Variants in ERC2 observed in about 807,000 individuals in gnomAD.
ERC2 encodes ELKS/RAB6-interacting/CAST family member 2.
A neutral mutation model predicts 114.8 loss-of-function variants in ERC2; 42 were observed. The observed-to-expected ratio is 0.37, with a 90% CI of 0.29 to 0.47. The LOEUF is 0.47. Among genes scored for constraint, ERC2 ranks in the 20% least tolerant of loss-of-function variants. The pLI is 0.99. For synonymous variants in ERC2, 454 were observed against 425.5 expected (o/e 1.07, Z -0.82); for missense variants, 939 against 1,150.7 (o/e 0.82, Z 2.66).
chr3:56,193,178 T>C (rs896017135), intron 3 of ERC2, among the ~76,000 whole-genome samples: 20 of 152,356 alleles, frequency 1.3e-4, no homozygotes, highest in African/African-American at 4.8e-4. Context: ...GTGTACTCCT[T>C]GTTTTAATAA....
At chr3:55,807,685 G>A (rs943944646) in intron 14 of ERC2, among the ~76,000 whole-genome samples, 2 of 152,186 alleles carry the variant, frequency 1.3e-5, no homozygotes, top group African/African-American at 4.8e-5. Context: ...TAAGATGGAA[G>A]GAACCTGGAT....
intron 17 of ERC2, among the ~76,000 whole-genome samples, chr3:55,639,822 T>G (rs1472513395): frequency 6.6e-6 from 1 of 152,204 alleles, no homozygotes; most frequent in Non-Finnish European, 1.5e-5. Context: ...TTAATTTTCA[T>G]TTCTAATAAA....
intron 17 of ERC2, among the ~76,000 whole-genome samples, chr3:55,560,764 A>G (rs2055959857): frequency 6.6e-6 from 1 of 152,238 alleles, no homozygotes; most frequent in African/African-American, 2.4e-5. Context: ...ACAAGAGGTA[A>G]CTGGATACAT....
At chr3:55,668,681 G>A (rs2061445665) in intron 17 of ERC2, among the ~76,000 whole-genome samples, 1 of 152,168 alleles carries the variant, frequency 6.6e-6, no homozygotes, top group Non-Finnish European at 1.5e-5. Context: ...AGCTCTCAAT[G>A]CCAGCCTGTT....
At chr3:55,972,269 T>C (rs1051155334) in intron 12 of ERC2, among the ~76,000 whole-genome samples, 1 of 152,248 alleles carries the variant, frequency 6.6e-6, no homozygotes, top group African/African-American at 2.4e-5. Flanking sequence ...GTGATTTTCT[T>C]AAAATTTTAC....
chr3:55,740,253 A>G (rs868439690), intron 14 of ERC2, among the ~76,000 whole-genome samples: 1 of 152,150 alleles, frequency 6.6e-6, no homozygotes, highest in Non-Finnish European at 1.5e-5. Context: ...AATCTTTTTA[A>G]TAAAATTACA....
intron 13 of ERC2, among the ~76,000 whole-genome samples, chr3:55,937,128 A>G (rs1008284170): frequency 1.3e-5 from 2 of 152,146 alleles, no homozygotes; most frequent in Non-Finnish European, 2.9e-5. Flanking sequence ...ATCACTTGAC[A>G]TCAGGAGTTT....
intron 6 of ERC2, among the ~76,000 whole-genome samples, chr3:56,096,738 C>T (rs771589416): frequency 6.6e-6 from 1 of 152,098 alleles, no homozygotes; most frequent in Non-Finnish European, 1.5e-5. Context: ...TGCTATTCTG[C>T]ATCCAGTCTA....
chr3:56,084,891 C>A (rs2077425598), intron 6 of ERC2, among the ~76,000 whole-genome samples: 1 of 148,430 alleles, frequency 6.7e-6, no homozygotes, highest in Non-Finnish European at 1.5e-5. Context: ...AAGAAAAGTT[C>A]AGGGCAGCAG....
At chr3:56,339,631 C>T (rs2058008060) in intron 2 of ERC2, among the ~76,000 whole-genome samples, 1 of 152,078 alleles carries the variant, frequency 6.6e-6, no homozygotes, top group Non-Finnish European at 1.5e-5. Flanking sequence ...TTCCTAAGTC[C>T]AATGTCTGGC....
At chr3:55,955,261 TG>T in intron 12 of ERC2, 2 of 128,198 alleles carry the variant, frequency 1.6e-5, no homozygotes, top group South Asian at 3.7e-5. Context: ...TGTGTGTGTG[TG>T]TGTGTGTGTG....
At position 56,063,680 on chromosome 3, in the gene ERC2, G is replaced by A. The variant is rs558673866; in HGVS notation, c.1641+17137C>T. On this transcript the variant is annotated intron_variant, in intron 7 of 17. Coordinates refer to ENST00000288221, the MANE Select transcript of ERC2 (RefSeq NM_015576.3). ...GTAACAACACTGAGATTCAAAGCCA[G>A]GCCTGTCACAGTTCATGCCCTTAAT... Among the ~76,000 whole-genome samples the A allele has an allele frequency of 1.7e-4, 26 of 152,254 alleles. No individual in the cohort carries two copies. The South Asian group carries it at 5.4e-3, about 32-fold the overall frequency.
intron 2 of ERC2, among the ~76,000 whole-genome samples, chr3:56,341,186 T>C (rs762749702): frequency 3.9e-5 from 6 of 152,232 alleles, no homozygotes; most frequent in Non-Finnish European, 5.9e-5. Context: ...ATGAGATCTA[T>C]TATTGGAGAC....
chr3:55,667,275 G>C (rs1247342727), intron 17 of ERC2, among the ~76,000 whole-genome samples: 2 of 152,200 alleles, frequency 1.3e-5, no homozygotes, highest in Non-Finnish European at 2.9e-5. Flanking sequence ...TTATGATGCT[G>C]TTTTGAGAAT....
At chr3:56,462,509 A>C (rs1442927806) in intron 1 of ERC2, among the ~76,000 whole-genome samples, 1 of 152,110 alleles carries the variant, frequency 6.6e-6, no homozygotes, top group Non-Finnish European at 1.5e-5. Flanking sequence ...ATCAAACTCA[A>C]ATATTTCAAC....
chr3:56,265,899 T>C (rs1404262173), intron 3 of ERC2, among the ~76,000 whole-genome samples: 2 of 151,482 alleles, frequency 1.3e-5, no homozygotes, highest in East Asian at 4.0e-4. Flanking sequence ...TACAGTGGTG[T>C]GTGCCTGTAG....
At chr3:56,003,471 G>C (rs552029479) in intron 10 of ERC2, among the ~76,000 whole-genome samples, 1 of 152,122 alleles carries the variant, frequency 6.6e-6, no homozygotes, top group Non-Finnish European at 1.5e-5. Flanking sequence ...ATCAGAAGAA[G>C]TACTTTTGGC....
chr3:55,685,464 C>T (rs2062278362), intron 16 of ERC2, among the ~76,000 whole-genome samples: 1 of 152,162 alleles, frequency 6.6e-6, no homozygotes, highest in African/African-American at 2.4e-5. Flanking sequence ...CCCTATGTGA[C>T]TTAGGAAAAA....
chr3:55,919,315 G>A (rs1366005194), intron 13 of ERC2, among the ~76,000 whole-genome samples: 1 of 152,110 alleles, frequency 6.6e-6, no homozygotes, highest in Non-Finnish European at 1.5e-5. Context: ...GGAGTTTGAA[G>A]CTGTCATGAG....
Sources: allele counts gnomAD v4.1 joint callset (sites outside exome capture counted in the v4.1 genomes callset), GRCh38; gene constraint gnomAD v4.1.1; transcripts MANE v1.5; gene names NCBI Gene and HGNC (gene_info 2026-07-23, HGNC 2026-07-21).